The following BTBD9 variants were observed in gnomAD, a reference collection of about 807,000 sequenced individuals.
BTBD9 encodes BTB domain containing 9.
Under a neutral mutation model 64.3 loss-of-function variants are expected in BTBD9, and 49 were observed. That is an observed-to-expected ratio of 0.76 (90% CI 0.61 to 0.97). The LOEUF (loss-of-function observed/expected upper bound fraction) is 0.97. Ranked by LOEUF, BTBD9 falls within the 50% of genes least tolerant of loss-of-function variation. BTBD9 has a pLI of 0.00. For missense variants in BTBD9, 598 were observed against 762.1 expected (o/e 0.78, Z 2.53); for synonymous variants, 260 against 274.7 (o/e 0.95, Z 0.53).
At chr6:38,472,317 C>T (rs535821582) in intron 6 of BTBD9, among the ~76,000 whole-genome samples, 3 of 152,260 alleles carry the variant, frequency 2.0e-5, no homozygotes, top group African/African-American at 7.2e-5. Flanking sequence ...TAGTAACAAA[C>T]TTCTACTGTA....
chr6:38,545,916 G>A (rs530471796), intron 6 of BTBD9, among the ~76,000 whole-genome samples: 47 of 145,352 alleles, frequency 3.2e-4, no homozygotes, highest in Middle Eastern at 3.7e-3. Context: ...CCAGGGGTTT[G>A]AGAACAGACT....
At chr6:38,273,853 G>C (rs1456665239) in intron 8 of BTBD9, among the ~76,000 whole-genome samples, 2 of 152,240 alleles carry the variant, frequency 1.3e-5, no homozygotes, top group Non-Finnish European at 2.9e-5. Flanking sequence ...AGATGGAGGA[G>C]AGCGAATTAC....
Position 38,390,265 on chromosome 6 carries a change from A to G in BTBD9, c.1155-45172T>C, listed in dbSNP as rs142093570. Among the ~76,000 whole-genome samples the G allele has an allele frequency of 3.2e-3, 484 of 152,310 alleles. 2 individuals are homozygous for G. Among genetic ancestry groups the G allele is most frequent in the African/African-American group, 0.011 (453 of 41,568 alleles). ...ATGTCCAGCTAATTTTTGTATTTGT[A>G]GTAGAGATGAGGTTTCACCATGTTG... On this transcript the variant is annotated intron_variant, in intron 6 of 10. Coordinates refer to ENST00000481247, the MANE Select transcript of BTBD9 (RefSeq NM_001099272.2).
In BTBD9 at chr6:38,361,378, TACA is replaced by T. The variant is rs199698411; in HGVS notation, c.1155-16288_1155-16286del. On this transcript the variant is annotated intron_variant, in intron 6 of 10. Transcript: ENST00000481247. ...GGGTAACATAGCAAGACCCTGTCTT[TACA>T]AAAACAGGAATTTCAAAATTAGCTA... Among the ~76,000 whole-genome samples the T allele has an allele frequency of 1.2e-3, 187 of 151,776 alleles. 4 individuals are homozygous for T. The East Asian group carries it at 0.016, about 13-fold the overall frequency.
chr6:38,328,028 G>C (rs1435192760), intron 7 of BTBD9, among the ~76,000 whole-genome samples: 1 of 152,110 alleles, frequency 6.6e-6, no homozygotes, highest in East Asian at 1.9e-4. Context: ...ACTTAAAGTA[G>C]GCAATGTGGA....
At position 38,373,101 on chromosome 6, in the gene BTBD9, G is replaced by A. The variant is rs576705129; in HGVS notation, c.1155-28008C>T. 6.5e-4 allele frequency among the ~76,000 whole-genome samples: 99 copies of A among 152,218 alleles called. 1 individual carries two copies. The South Asian group carries it at 6.9e-3, about 11-fold the overall frequency. On this transcript the variant is annotated intron_variant, in intron 6 of 10. Coordinates refer to ENST00000481247, the MANE Select transcript of BTBD9 (RefSeq NM_001099272.2). ...GAGACCACTATTTGACAAGGACCAT[G>A]GTCCTTGGTAGATACATATTCACAA...
chr6:38,296,682 G>A (rs1762167237), intron 7 of BTBD9, among the ~76,000 whole-genome samples: 1 of 151,978 alleles, frequency 6.6e-6, no homozygotes, highest in South Asian at 2.1e-4. Flanking sequence ...CTCAATTTGG[G>A]TTTGTCTGAT....
At chr6:38,556,389 T>C (rs1387518255) in intron 6 of BTBD9, among the ~76,000 whole-genome samples, 6 of 152,174 alleles carry the variant, frequency 3.9e-5, no homozygotes, top group Admixed American at 3.9e-4. Context: ...TTCAAATGTA[T>C]ATCTGACAAC....
chr6:38,197,517 T>C (rs1189494837), intron 9 of BTBD9, among the ~76,000 whole-genome samples: 1 of 152,210 alleles, frequency 6.6e-6, no homozygotes, highest in Non-Finnish European at 1.5e-5. Flanking sequence ...ATATGGATCA[T>C]ACACACGAGT....
chr6:38,179,879 G>A, intron 10 of BTBD9: 10 of 450,332 alleles, frequency 2.2e-5, no homozygotes, highest in Non-Finnish European at 4.5e-5. Context: ...TTGAGGGGTT[G>A]GGAGGCAGGG....
intron 7 of BTBD9, among the ~76,000 whole-genome samples, chr6:38,302,371 T>A (rs564927597): frequency 6.6e-6 from 1 of 151,936 alleles, no homozygotes; most frequent in South Asian, 2.1e-4. Flanking sequence ...GCAGTGTTTG[T>A]CTTCCTGTGC....
In BTBD9 at chr6:38,514,060, T is replaced by C. The variant is rs569996843; in HGVS notation, c.1154+63540A>G. Among the ~76,000 whole-genome samples the C allele has an allele frequency of 5.3e-5, 8 of 152,290 alleles. No individual in the cohort carries two copies. In the East Asian group the frequency reaches 1.5e-3, roughly 29 times the overall value. On this transcript the variant is annotated intron_variant, in intron 6 of 10. Coordinates refer to ENST00000481247, the MANE Select transcript of BTBD9 (RefSeq NM_001099272.2). ...AGCAGAAGAGGGAAAGGATTAAACATGAAGAAGAAGAGCTGCTACCAATAG... is the reference window on the plus strand; with the variant it reads ...AGCAGAAGAGGGAAAGGATTAAACACGAAGAAGAAGAGCTGCTACCAATAG...
chr6:38,241,604 C>T (rs773510873), intron 9 of BTBD9, among the ~76,000 whole-genome samples: 5 of 152,336 alleles, frequency 3.3e-5, no homozygotes, highest in Admixed American at 6.5e-5. Context: ...TAAATGTGTG[C>T]AATTCCAGAT....
rs921546546 is a variant in BTBD9, at chr6:38,172,306, C to T, written c.*2679G>A. The T allele has an allele frequency of 2.6e-5, 4 of 152,338 alleles. No individual in the cohort carries two copies. Among genetic ancestry groups the T allele is most frequent in the African/African-American group, 9.6e-5 (4 of 41,466 alleles). The allele number at this position is 152,338 out of a possible 1,614,324, so 9.4% of individuals were successfully genotyped here. ...TTAGGTCGCTTTGGTCCTGGTGGCC[C>T]AGGGGAGAAGTGCTCTGTAGGACCA... On this transcript the variant is annotated 3_prime_UTR_variant, in exon 11 of 11. Coordinates refer to ENST00000481247, the MANE Select transcript of BTBD9 (RefSeq NM_001099272.2).
At chr6:38,535,173 T>C (rs921957902) in intron 6 of BTBD9, among the ~76,000 whole-genome samples, 7 of 152,102 alleles carry the variant, frequency 4.6e-5, no homozygotes, top group African/African-American at 1.7e-4. Flanking sequence ...ACTTGCAATA[T>C]AGAAAATCAA....
At chr6:38,618,252 C>T (rs183203311) in intron 1 of BTBD9, among the ~76,000 whole-genome samples, 173 of 152,310 alleles carry the variant, frequency 1.1e-3, no homozygotes, top group South Asian at 5.0e-3. Context: ...TTCTGCACTA[C>T]GGCCTGGGCC....
chr6:38,612,714 A>G (rs1777651345), intron 1 of BTBD9: 1 of 152,242 alleles, frequency 6.6e-6, no homozygotes, highest in African/African-American at 2.4e-5. Context: ...CTTCCTGGCA[A>G]TAAAAGGACA....
intron 1 of BTBD9, among the ~76,000 whole-genome samples, chr6:38,635,498 C>T (rs192733010): frequency 4.2e-4 from 64 of 152,280 alleles, no homozygotes; most frequent in Admixed American, 3.3e-3. Context: ...ATGTGTCCTC[C>T]ATGTGTTAGA....
intron 6 of BTBD9, among the ~76,000 whole-genome samples, chr6:38,454,508 T>C (rs1432704731): frequency 1.3e-5 from 2 of 150,184 alleles, no homozygotes; most frequent in African/African-American, 2.4e-5. Context: ...AAATATAATA[T>C]AATTAAATAT....
Sources: gnomAD v4.1 joint callset for allele counts (sites outside exome capture counted in the v4.1 genomes callset) on GRCh38, gnomAD v4.1.1 for gene constraint, MANE v1.5 for transcripts, NCBI Gene and HGNC (gene_info 2026-07-23, HGNC 2026-07-21) for gene names.